The following ERICH6 variants were observed in gnomAD, a reference collection of about 807,000 sequenced individuals.
ERICH6 encodes glutamate rich 6.
Under a neutral mutation model 71.0 loss-of-function variants are expected in ERICH6, and 71 were observed. The ratio of observed to expected loss-of-function variants is 1.00; its 90% CI spans 0.83 to 1.22. The LOEUF (loss-of-function observed/expected upper bound fraction) is 1.22. ERICH6 is among the 50% of genes most tolerant of loss of function. The pLI is 0.00. For synonymous variants in ERICH6, 262 were observed against 278.4 expected (o/e 0.94, Z 0.59); for missense variants, 808 against 797.2 (o/e 1.01, Z -0.16).
chr3:150,662,508 A>G (rs1727261130), intron 13 of ERICH6, among the ~76,000 whole-genome samples: 1 of 152,246 alleles, frequency 6.6e-6, no homozygotes, highest in Non-Finnish European at 1.5e-5. Flanking sequence ...TACATGGAAC[A>G]CTTATAAAAA....
chr3:150,679,346 A>T (rs1374155653), intron 9 of ERICH6, among the ~76,000 whole-genome samples: 1 of 152,064 alleles, frequency 6.6e-6, no homozygotes, highest in Admixed American at 6.6e-5. Context: ...AGTGATGTGA[A>T]GTCTTTTATC....
intron 13 of ERICH6, 71 bp downstream of exon 13, chr3:150,666,716 A>C (rs1727425437): frequency 7.4e-7 from 1 of 1,348,114 alleles, no homozygotes; most frequent in Admixed American, 2.0e-5. Flanking sequence ...ATCAGTAATA[A>C]TACTAACAAA....
chr3:150,676,081 C>A (rs889514989), intron 10 of ERICH6, among the ~76,000 whole-genome samples: 2 of 151,808 alleles, frequency 1.3e-5, no homozygotes, highest in African/African-American at 4.8e-5. Context: ...GCACGTTAGA[C>A]CTTTCTTTTT....
At chr3:150,677,493 G>GA (rs942568763) in intron 10 of ERICH6, among the ~76,000 whole-genome samples, 3 of 150,372 alleles carry the variant, frequency 2.0e-5, no homozygotes, top group Non-Finnish European at 3.0e-5. Context: ...ATAATATCAT[G>GA]AAAAAAAAAT....
intron 2 of ERICH6, among the ~76,000 whole-genome samples, chr3:150,699,411 T>C (rs765316490): frequency 1.2e-4 from 19 of 152,188 alleles, no homozygotes; most frequent in Admixed American, 7.2e-4. Flanking sequence ...CCTCCCTGCC[T>C]AGACACTCCA....
At position 150,674,009 on chromosome 3, in the gene ERICH6, G is replaced by C. The variant is rs1205364456; in HGVS notation, c.1290C>G (p.Tyr430Ter). Residue 430 changes from tyrosine (Y) to a stop codon, truncating the protein, a stop_gained, in exon 11 of 14, where the codon TAC becomes TAG. Transcript: ENST00000295910. LOFTEE classifies it high-confidence loss of function. ...AAGTCAGAAACTTGCTCCCATGTTT[G>C]TAGTGCTTCTCTAAGAGCTCATTCC... is the stretch of plus-strand genomic sequence containing the variant. ...VVRNELLEKH[Y>*]KHGSKFLTSF... 1.2e-6 allele frequency: 2 copies of C among 1,613,972 alleles called. No individual in the cohort carries two copies. Among genetic ancestry groups the C allele is most frequent in the African/African-American group, 1.3e-5 (1 of 74,912 alleles).
intron 3 of ERICH6, among the ~76,000 whole-genome samples, chr3:150,692,254 C>T (rs2108072427): frequency 6.6e-6 from 1 of 152,158 alleles, no homozygotes; most frequent in South Asian, 2.1e-4. Flanking sequence ...TGGCTTCATG[C>T]TGTATTTATT....
Position 150,659,989 on chromosome 3 carries a change from G to A in ERICH6, c.1895C>T (p.Ser632Phe). ...GGCAATTAGTTTTAGAGAAAGTGAAGAAAGGTAGGAAGGTTGCTTTAATTT... is the reference window on the plus strand; with the variant it reads ...GGCAATTAGTTTTAGAGAAAGTGAAAAAAGGTAGGAAGGTTGCTTTAATTT... ...WEKLKQPSYL[S>F]SLSLKLIALC... Residue 632 changes from serine to phenylalanine, a missense_variant, in exon 14 of 14, where the codon TCT (serine) becomes TTT (phenylalanine). Ser to Phe is a radical substitution (Grantham distance 155, BLOSUM62 -2). Coordinates refer to ENST00000295910, the MANE Select transcript of ERICH6 (RefSeq NM_152394.5). The A allele has an allele frequency of 6.2e-7, 1 of 1,614,188 alleles. No homozygotes were observed. Among genetic ancestry groups the A allele is most frequent in the Non-Finnish European group, 8.5e-7 (1 of 1,180,026 alleles).
intron 9 of ERICH6, among the ~76,000 whole-genome samples, chr3:150,679,091 T>TA (rs1162154078): frequency 6.6e-6 from 1 of 151,446 alleles, no homozygotes; most frequent in African/African-American, 2.4e-5. Flanking sequence ...TTTCTGGCCT[T>TA]AGTTCTAGCA....
chr3:150,686,672 A>C (rs1381134679), intron 3 of ERICH6, among the ~76,000 whole-genome samples: 1 of 152,220 alleles, frequency 6.6e-6, no homozygotes, highest in Non-Finnish European at 1.5e-5. Flanking sequence ...AAACCCTACT[A>C]TGCACAAATT....
chr3:150,703,224 TAA>T (rs749799089), intron 1 of ERICH6, among the ~76,000 whole-genome samples: 2 of 140,286 alleles, frequency 1.4e-5, no homozygotes, highest in Non-Finnish European at 3.1e-5. Flanking sequence ...GACTCTTGTC[TAA>T]AAAAAAAAAA....
At chr3:150,693,554 C>T (rs1314596148) in intron 3 of ERICH6, among the ~76,000 whole-genome samples, 1 of 152,158 alleles carries the variant, frequency 6.6e-6, no homozygotes, top group Non-Finnish European at 1.5e-5. Flanking sequence ...TTAAAAAAGT[C>T]TTATCTGAGA....
chr3:150,698,897 A>G lies in ERICH6; in HGVS notation c.462-15T>C, dbSNP rs753072552. 2 of 1,596,866 alleles carry G rather than the reference A, an allele frequency of 1.3e-6. No individual in the cohort carries two copies. The highest frequency in any genetic ancestry group is 1.1e-5 in the South Asian group (1 of 90,686). On this transcript the variant is annotated splice_polypyrimidine_tract_variant and intron_variant, in intron 2 of 13. Transcript: ENST00000295910. ...GATGAATATTTCTGAAATTTCGACA[A>G]AAATGTTTTGAGTATACCTATATAG...
chr3:150,688,528 T>C (rs1194578025), intron 3 of ERICH6, among the ~76,000 whole-genome samples: 1 of 152,142 alleles, frequency 6.6e-6, no homozygotes, highest in Non-Finnish European at 1.5e-5. Context: ...GGGTAGTTTA[T>C]GGGAAAGGAA....
intron 13 of ERICH6, among the ~76,000 whole-genome samples, chr3:150,664,730 T>TG (rs1003368647): frequency 5.9e-5 from 9 of 152,024 alleles, no homozygotes; most frequent in Non-Finnish European, 8.8e-5. Flanking sequence ...GTGCTTACTT[T>TG]GGGGAAGGGA....
chr3:150,689,261 T>C (rs1029556660), intron 3 of ERICH6, among the ~76,000 whole-genome samples: 6 of 152,138 alleles, frequency 3.9e-5, no homozygotes, highest in Non-Finnish European at 8.8e-5. Flanking sequence ...TCCATGACAA[T>C]AGAAGGCAGG....
intron 10 of ERICH6, among the ~76,000 whole-genome samples, 187 bp downstream of exon 10, chr3:150,678,222 C>T (rs535220711): frequency 6.6e-6 from 1 of 152,254 alleles, no homozygotes; most frequent in East Asian, 1.9e-4. Context: ...TTAAAGTAAA[C>T]AGCCTTTAAC....
chr3:150,669,249 C>A, intron 12 of ERICH6, 47 bp downstream of exon 12: 1 of 1,536,074 alleles, frequency 6.5e-7, no homozygotes, highest in Non-Finnish European at 8.7e-7. Context: ...CAAAATTTCC[C>A]AGAACAAAAG....
chr3:150,667,102 A>T, intron 12 of ERICH6, 87 bp from the exon 13 acceptor site: 1 of 1,281,072 alleles, frequency 7.8e-7, no homozygotes, highest in Non-Finnish European at 1.1e-6. Context: ...AACCAAGGGG[A>T]GTAACGGTTT....
Sources: allele counts gnomAD v4.1 joint callset (sites outside exome capture counted in the v4.1 genomes callset), GRCh38; gene constraint gnomAD v4.1.1; transcripts MANE v1.5; gene names NCBI Gene and HGNC (gene_info 2026-07-23, HGNC 2026-07-21).